The following STPG4 variants were observed in gnomAD, a reference collection of about 807,000 sequenced individuals.
The protein encoded by STPG4 is sperm-tail PG-rich repeat containing 4, also known as protein STPG4.
Under a neutral mutation model 31.5 loss-of-function variants are expected in STPG4, and 41 were observed. That is an observed-to-expected ratio of 1.30 (90% CI 1.01 to 1.69). The LOEUF (loss-of-function observed/expected upper bound fraction) is 1.69. Among genes scored for constraint, STPG4 ranks in the 40% most tolerant of loss-of-function variants. The probability of loss-of-function intolerance (pLI) is 0.00; values close to 1 mark genes in which losing one functional copy is unlikely to be tolerated. For synonymous variants in STPG4, 141 were observed against 103.0 expected (o/e 1.37, Z -2.24); for missense variants, 375 against 293.4 (o/e 1.28, Z -2.03).
intron 5 of STPG4, among the ~76,000 whole-genome samples, chr2:47,115,522 C>G (rs1288774823): frequency 2.0e-5 from 3 of 152,084 alleles, no homozygotes; most frequent in African/African-American, 7.2e-5. Flanking sequence ...AATAATGTTC[C>G]TGTTCTCATC....
chr2:47,093,386 TAAACAC>T (rs1205018687), intron 5 of STPG4, among the ~76,000 whole-genome samples: 1 of 152,194 alleles, frequency 6.6e-6, no homozygotes, highest in Non-Finnish European at 1.5e-5. Flanking sequence ...TAAGCCCTAA[TAAACAC>T]AAAGAAGCAA....
intron 5 of STPG4, among the ~76,000 whole-genome samples, chr2:47,113,416 A>T (rs912944572): frequency 3.3e-5 from 5 of 152,240 alleles, no homozygotes; most frequent in Admixed American, 3.3e-4. Flanking sequence ...CAAAGACCAT[A>T]ACCAGAAAGT....
chr2:47,121,179 A>T (rs530761201), intron 5 of STPG4: 1 of 154,288 alleles, frequency 6.5e-6, no homozygotes, highest in East Asian at 1.9e-4. Flanking sequence ...CTGGTTGAAT[A>T]TTTTTACTTC....
chr2:47,155,135 G>A (rs1272601995), intron 1 of STPG4, 36 bp downstream of exon 1: 1 of 1,594,976 alleles, frequency 6.3e-7, no homozygotes. Context: ...GGTGAGGGGA[G>A]CAGGAGCCAG....
chr2:47,103,129 C>T (rs1210640833), intron 5 of STPG4, among the ~76,000 whole-genome samples: 3 of 151,894 alleles, frequency 2.0e-5, no homozygotes, highest in Non-Finnish European at 4.4e-5. Context: ...GGGACCTTGA[C>T]TCATATCATG....
At chr2:47,114,085 A>T (rs72808575) in intron 5 of STPG4, among the ~76,000 whole-genome samples, 13,640 of 151,632 alleles carry the variant, frequency 0.09, 841 homozygotes, top group Non-Finnish European at 0.12. Context: ...AAGACTATGC[A>T]TTGGGCTGAG....
intron 5 of STPG4, among the ~76,000 whole-genome samples, chr2:47,100,578 G>A (rs1685774416): frequency 1.3e-5 from 2 of 150,648 alleles, no homozygotes; most frequent in African/African-American, 4.9e-5. Flanking sequence ...ACCCACTCGA[G>A]TCCCCTTCCA....
At chr2:47,139,130 G>A (rs1393001761) in intron 3 of STPG4, among the ~76,000 whole-genome samples, 1 of 152,200 alleles carries the variant, frequency 6.6e-6, no homozygotes, top group Non-Finnish European at 1.5e-5. Context: ...GTGCTGTTGA[G>A]TTCAACTATG....
intron 3 of STPG4, among the ~76,000 whole-genome samples, chr2:47,130,589 C>T (rs1227380871): frequency 2.0e-5 from 3 of 152,110 alleles, no homozygotes; most frequent in Non-Finnish European, 2.9e-5. Context: ...GATTTCCGCT[C>T]GCTGCAGCCT....
chr2:47,125,585 T>C (rs564700170), intron 5 of STPG4, among the ~76,000 whole-genome samples: 33 of 152,360 alleles, frequency 2.2e-4, no homozygotes, highest in African/African-American at 6.5e-4. Flanking sequence ...TTTAACTTGA[T>C]GTGATCCCAT....
intron 3 of STPG4, among the ~76,000 whole-genome samples, chr2:47,150,468 C>T (rs910176546): frequency 2.0e-5 from 3 of 151,892 alleles, no homozygotes; most frequent in African/African-American, 7.3e-5. Flanking sequence ...AGAGTAGAAG[C>T]TGACCCTCCT....
intron 3 of STPG4, among the ~76,000 whole-genome samples, chr2:47,135,819 T>C (rs1002662043): frequency 1.3e-5 from 2 of 152,238 alleles, no homozygotes; most frequent in African/African-American, 4.8e-5. Flanking sequence ...TATTTCTGTA[T>C]TCTCTATTCT....
chr2:47,117,984 C>G (rs1263598640), intron 5 of STPG4, among the ~76,000 whole-genome samples: 1 of 151,652 alleles, frequency 6.6e-6, no homozygotes, highest in East Asian at 1.9e-4. Context: ...TGGTCTTGAA[C>G]TCTTGGTCTC....
At chr2:47,137,765 T>C (rs1348248371) in intron 3 of STPG4, among the ~76,000 whole-genome samples, 1 of 152,158 alleles carries the variant, frequency 6.6e-6, no homozygotes, top group Non-Finnish European at 1.5e-5. Flanking sequence ...GGAAATAGGG[T>C]TATTCAGAAT....
At chr2:47,088,649 A>G (rs1685508423) in intron 6 of STPG4, among the ~76,000 whole-genome samples, 2 of 152,126 alleles carry the variant, frequency 1.3e-5, no homozygotes, top group Non-Finnish European at 2.9e-5. Flanking sequence ...CCTACTTGTC[A>G]TTTCCACCCT....
chr2:47,125,439 C>G (rs1289730481), intron 5 of STPG4, among the ~76,000 whole-genome samples: 1 of 152,072 alleles, frequency 6.6e-6, no homozygotes, highest in African/African-American at 2.4e-5. Flanking sequence ...AGACCTTTTT[C>G]CTATTGAGTT....
In STPG4 at chr2:47,094,485, G is replaced by T. The variant is rs369211713; in HGVS notation, c.520-4111C>A. On this transcript the variant is annotated intron_variant, in intron 5 of 6. Transcript: ENST00000445927. ...TATTTAATTGTGCTTTTATTTGAGG[G>T]CAACTTTAACCAACGGGAGCTGTAA... Among the ~76,000 whole-genome samples, 4 of 152,252 alleles carry T rather than the reference G, an allele frequency of 2.6e-5. No individual in the cohort carries two copies. In the East Asian group the frequency reaches 5.8e-4, roughly 22 times the overall value.
chr2:47,152,979 CCTT>C lies in STPG4; in HGVS notation c.116_118del (p.Glu39del), dbSNP rs751459495. 9.3e-6 allele frequency: 15 copies of C among 1,611,682 alleles called. No homozygotes were observed. The highest frequency in any genetic ancestry group is 1.3e-5 in the Non-Finnish European group (15 of 1,178,610). On this transcript the variant is annotated inframe_deletion, in exon 2 of 7. Transcript: ENST00000445927. ...TACTGTTAATGCTATTCTCCACCATCCTTCTCTTTCAAAAGAGGAAGTCTTTTG... is the reference window on the plus strand; with the variant it reads ...TACTGTTAATGCTATTCTCCACCATCCTCTTTCAAAAGAGGAAGTCTTTTG...
intron 5 of STPG4, chr2:47,120,911 T>C (rs1686260355): frequency 6.6e-6 from 1 of 152,192 alleles, no homozygotes; most frequent in Non-Finnish European, 1.5e-5. Flanking sequence ...CACACAACTA[T>C]ACATACACAT....
Sources: allele counts gnomAD v4.1 joint callset (sites outside exome capture counted in the v4.1 genomes callset), GRCh38; gene constraint gnomAD v4.1.1; transcripts MANE v1.5; gene names NCBI Gene and HGNC (gene_info 2026-07-23, HGNC 2026-07-21).